Variants in MCU observed in about 807,000 individuals in gnomAD.
The protein encoded by MCU is calcium uniporter protein, mitochondrial.
Under a neutral mutation model 45.2 loss-of-function variants are expected in MCU, and 12 were observed. The observed-to-expected ratio is 0.27, with a 90% confidence interval of 0.17 to 0.43. MCU has a LOEUF of 0.43. MCU is among the 20% of genes least tolerant of loss of function. The pLI is 1.00. For missense variants in MCU, 324 were observed against 436.7 expected, an observed-to-expected ratio of 0.74 and a Z score of 2.30; for synonymous variants, 160 against 165.1, an observed-to-expected ratio of 0.97 and a Z score of 0.24.
intron 1 of MCU, among the ~76,000 whole-genome samples, chr10:72,819,648 A>G (rs772890943): frequency 6.6e-6 from 1 of 150,462 alleles, no homozygotes; most frequent in Non-Finnish European, 1.5e-5. Flanking sequence ...TTTCAAATCT[A>G]TGTAGAAGTG....
intron 1 of MCU, among the ~76,000 whole-genome samples, chr10:72,729,687 C>T (rs1016296439): frequency 2.6e-5 from 4 of 152,116 alleles, no homozygotes; most frequent in African/African-American, 7.2e-5. Context: ...GGTATTTGGA[C>T]TTTAGATGCA....
At position 72,794,162 on chromosome 10, in the gene MCU, C is replaced by T. The variant is rs1266424638; in HGVS notation, c.151-40197C>T. Among the ~76,000 whole-genome samples, 6 of 152,048 alleles carry T rather than the reference C, an allele frequency of 3.9e-5. No homozygotes were observed. In the East Asian group the frequency reaches 5.8e-4, roughly 15 times the overall value. On this transcript the variant is annotated intron_variant, in intron 1 of 7. Coordinates refer to ENST00000373053, the MANE Select transcript of MCU (RefSeq NM_138357.3). ...CCATGTTTGATTGAGGCTCCTTGGT[C>T]GCAGTTACTTTCATCCAACTTCTTG...
chr10:72,745,230 C>T (rs1209339299), intron 1 of MCU, among the ~76,000 whole-genome samples: 1 of 152,008 alleles, frequency 6.6e-6, no homozygotes, highest in Non-Finnish European at 1.5e-5. Context: ...GAATACTGTT[C>T]AGAATTTTTT....
intron 1 of MCU, among the ~76,000 whole-genome samples, chr10:72,777,206 A>G (rs1843908742): frequency 6.6e-6 from 1 of 152,256 alleles, no homozygotes; most frequent in Non-Finnish European, 1.5e-5. Flanking sequence ...AAAAAATTCT[A>G]AAATTCATAT....
intron 1 of MCU, among the ~76,000 whole-genome samples, chr10:72,711,937 C>T (rs945867008): frequency 2.7e-4 from 41 of 151,392 alleles, no homozygotes; most frequent in African/African-American, 9.9e-4. Flanking sequence ...TGGTCTCGAT[C>T]TCCTGACCTC....
At chr10:72,805,159 C>CTTTCTTTCTTTT (rs1396432429) in intron 1 of MCU, among the ~76,000 whole-genome samples, 1 of 137,932 alleles carries the variant, frequency 7.2e-6, no homozygotes, top group Non-Finnish European at 1.5e-5. Context: ...TTCTTTCTTT[C>CTTTCTTTCTTTT]TGTCTCTCTC....
chr10:72,810,235 G>A (rs1000980570), intron 1 of MCU, among the ~76,000 whole-genome samples: 1 of 152,018 alleles, frequency 6.6e-6, no homozygotes, highest in Non-Finnish European at 1.5e-5. Flanking sequence ...AAAGAAAATT[G>A]AGAGAAACTT....
At chr10:72,831,599 T>C (rs898709758) in intron 1 of MCU, among the ~76,000 whole-genome samples, 21 of 152,288 alleles carry the variant, frequency 1.4e-4, no homozygotes, top group African/African-American at 4.8e-4. Flanking sequence ...AATTTTTGCT[T>C]CGTGGGTTGG....
At chr10:72,757,205 A>G (rs899694795) in intron 1 of MCU, among the ~76,000 whole-genome samples, 1 of 152,164 alleles carries the variant, frequency 6.6e-6, no homozygotes, top group Non-Finnish European at 1.5e-5. Flanking sequence ...ATTATAATGC[A>G]GATAGTGAAA....
intron 1 of MCU, among the ~76,000 whole-genome samples, chr10:72,797,534 CTTTT>C (rs11411848): frequency 1.7e-5 from 2 of 115,698 alleles, no homozygotes; most frequent in Admixed American, 9.9e-5. Context: ...CCATAATATA[CTTTT>C]TTTTTTTTTT....
chr10:72,855,722 T>C (rs1205459431), intron 2 of MCU, among the ~76,000 whole-genome samples: 2 of 152,102 alleles, frequency 1.3e-5, no homozygotes, highest in African/African-American at 2.4e-5. Flanking sequence ...AGAAAATAAG[T>C]AGTAAGATGG....
intron 1 of MCU, among the ~76,000 whole-genome samples, chr10:72,703,830 A>T: frequency 6.6e-6 from 1 of 152,150 alleles, no homozygotes. Flanking sequence ...CAGGAGGCAG[A>T]GGCTGCAGTG....
intron 1 of MCU, chr10:72,692,703 TG>T (rs1842638742): frequency 1.6e-6 from 2 of 1,235,884 alleles, no homozygotes; most frequent in Non-Finnish European, 2.0e-6. Flanking sequence ...CCGGGCGGGT[TG>T]GGGAGTTCTG....
At chr10:72,778,754 A>G (rs1843939683) in intron 1 of MCU, among the ~76,000 whole-genome samples, 1 of 152,160 alleles carries the variant, frequency 6.6e-6, no homozygotes, top group Non-Finnish European at 1.5e-5. Flanking sequence ...CTAGATTTTG[A>G]CTGTTAATAT....
At chr10:72,761,666 T>A (rs1843658473) in intron 1 of MCU, among the ~76,000 whole-genome samples, 2 of 152,232 alleles carry the variant, frequency 1.3e-5, no homozygotes, top group African/African-American at 4.8e-5. Context: ...AAGTATTTTT[T>A]AATTTCAATA....
intron 1 of MCU, among the ~76,000 whole-genome samples, chr10:72,793,360 A>T (rs962005033): frequency 6.6e-6 from 1 of 152,168 alleles, no homozygotes; most frequent in Non-Finnish European, 1.5e-5. Context: ...AAATGGAGGA[A>T]CTATTAAAAT....
At chr10:72,823,190 G>T (rs1283821233) in intron 1 of MCU, among the ~76,000 whole-genome samples, 4 of 152,120 alleles carry the variant, frequency 2.6e-5, no homozygotes, top group African/African-American at 9.7e-5. Flanking sequence ...CAATAAAAAG[G>T]AATTAAGTAC....
intron 1 of MCU, among the ~76,000 whole-genome samples, chr10:72,694,248 A>G (rs1289679040): frequency 6.6e-6 from 1 of 152,260 alleles, no homozygotes. Flanking sequence ...TTCTGAAGCC[A>G]TCATGTATAC....
intron 1 of MCU, among the ~76,000 whole-genome samples, chr10:72,823,472 T>C (rs1193645048): frequency 1.3e-5 from 2 of 152,058 alleles, no homozygotes; most frequent in Non-Finnish European, 2.9e-5. Flanking sequence ...ATAGACAGAG[T>C]GGGCTGAGGA....
Sources: allele counts gnomAD v4.1 joint callset (sites outside exome capture counted in the v4.1 genomes callset), GRCh38; gene constraint gnomAD v4.1.1; transcripts MANE v1.5; gene names NCBI Gene and HGNC (gene_info 2026-07-23, HGNC 2026-07-21).